Variants in ABL1 observed in about 807,000 individuals in gnomAD.
ABL1 encodes tyrosine-protein kinase ABL1.
In ABL1, 11 loss-of-function variants were observed where a neutral mutation model predicts 94.7. The ratio of observed to expected loss-of-function variants is 0.12; its 90% CI spans 0.07 to 0.19. The LOEUF (loss-of-function observed/expected upper bound fraction) is 0.19, where lower values mean the gene tolerates loss of function less well. Among genes scored for constraint, ABL1 ranks in the 10% least tolerant of loss-of-function variants. The pLI, the probability that ABL1 is intolerant of heterozygous loss-of-function variation, is 1.00. For missense variants in ABL1, 1,082 were observed against 1,489.4 expected (o/e 0.73, Z 4.50); for synonymous variants, 656 against 622.4 (o/e 1.05, Z -0.80).
chr9:130,839,169 C>T (rs552280250), intron 1 of ABL1, among the ~76,000 whole-genome samples: 2 of 152,044 alleles, frequency 1.3e-5, no homozygotes, highest in Admixed American at 6.6e-5. Context: ...TCAAGTGATC[C>T]TCCCACCTTG....
intron 1 of ABL1, among the ~76,000 whole-genome samples, chr9:130,839,046 G>A (rs1202250601): frequency 1.3e-5 from 2 of 151,910 alleles, no homozygotes; most frequent in Non-Finnish European, 2.9e-5. Flanking sequence ...AGTAGCTGGG[G>A]CTGCAGGCAT....
chr9:130,725,278 T>C (rs1831566565), intron 1 of ABL1, among the ~76,000 whole-genome samples: 1 of 152,162 alleles, frequency 6.6e-6, no homozygotes, highest in South Asian at 2.1e-4. Context: ...ACTTTTATGC[T>C]TTTTCTCTCT....
At position 130,884,159 on chromosome 9, in the gene ABL1, G is replaced by C. The variant is rs34717358; in HGVS notation, c.1869G>C (p.Glu623Asp). The C allele has an allele frequency of 6.2e-7, 1 of 1,613,010 alleles. No homozygotes were observed. Residue 623 changes from glutamate (E) to aspartate (D), a missense_variant, in exon 11 of 11, where the codon GAG (glutamate) becomes GAC (aspartate). Physicochemically the swap from Glu to Asp is conservative, Grantham distance 45 (BLOSUM62 2). Coordinates refer to ENST00000318560, the MANE Select transcript of ABL1 (RefSeq NM_005157.6). This position sits in a 1 kb window ranked among gnomAD's most constrained non-coding sequence, Gnocchi z 5.6. ...TPPKRSSSFR[E>D]MDGQPERRGA... is the part of the protein sequence containing the mutation. ...CCAAACGCAGCAGCTCCTTCCGGGA[G>C]ATGGACGGCCAGCCGGAGCGCAGAG... is the stretch of plus-strand genomic sequence containing the variant.
intron 1 of ABL1, among the ~76,000 whole-genome samples, chr9:130,795,712 T>C (rs972472153): frequency 6.6e-6 from 1 of 152,218 alleles, no homozygotes; most frequent in Non-Finnish European, 1.5e-5. Flanking sequence ...GCTGGACTAA[T>C]TAAATAATCA....
At chr9:130,753,422 C>CTTTTTTTTTTTTTTTTTTTTTTT (rs71389347) in intron 1 of ABL1, among the ~76,000 whole-genome samples, 1 of 90,344 alleles carries the variant, frequency 1.1e-5, no homozygotes, top group Non-Finnish European at 2.0e-5. Context: ...TTTTTCTTTT[C>CTTTTTTTTTTTTTTTTTTTTTTT]TTTTTTTTTT....
intron 1 of ABL1, among the ~76,000 whole-genome samples, chr9:130,782,198 A>G (rs1004625873): frequency 6.6e-6 from 1 of 151,938 alleles, no homozygotes; most frequent in Non-Finnish European, 1.5e-5. Flanking sequence ...AGCTGGGACT[A>G]CAGGCATGCG....
rs1348431384 is a variant in ABL1 at position 130,874,934 on chromosome 9, G to A, written c.1152G>A (p.Leu384=). 1.2e-6 allele frequency: 2 copies of A among 1,614,054 alleles called. No homozygotes were observed. Among genetic ancestry groups the A allele is most frequent in the African/African-American group, 2.7e-5 (2 of 74,914 alleles). The change falls in exon 7 of 11, where the codon CTG becomes CTA. Residue 384 remains leucine (L), a synonymous_variant. Coordinates refer to ENST00000318560, the MANE Select transcript of ABL1 (RefSeq NM_005157.6). The part of the protein sequence containing the change: ...NHLVKVADFG[L]SRLMTGDTYT... The stretch of plus-strand genomic sequence containing the variant: ...TGGTGAAGGTAGCTGATTTTGGCCT[G>A]AGCAGGTTGATGACAGGGGACACCT...
In ABL1 at chr9:130,862,466, C is replaced by T. The variant is rs1000066420; in HGVS notation, c.550-297C>T. Among the ~76,000 whole-genome samples the T allele has an allele frequency of 6.6e-6, 1 of 152,128 alleles. No homozygotes were observed. Among genetic ancestry groups the T allele is most frequent in the African/African-American group, 2.4e-5 (1 of 41,420 alleles). The stretch of plus-strand genomic sequence containing the variant: ...ACGGACCTTAAAACTGGCCTTGGAA[C>T]GGGAAGCGAGAACTGGGCACGGAAG... On this transcript the variant is annotated intron_variant, in intron 3 of 10. Transcript: ENST00000318560. The surrounding 1 kb of genome is among the most constrained non-coding windows in gnomAD (Gnocchi z 5.5).
At chr9:130,853,170 CTTTTTTTTTTTT>C (rs11418318) in intron 1 of ABL1, among the ~76,000 whole-genome samples, 1 of 75,338 alleles carries the variant, frequency 1.3e-5, no homozygotes, top group African/African-American at 5.4e-5. Context: ...TTTGACTTTT[CTTTTTTTTTTTT>C]TTTTTTTTTT....
chr9:130,859,542 G>A (rs1249062574), intron 3 of ABL1, among the ~76,000 whole-genome samples: 2 of 151,890 alleles, frequency 1.3e-5, no homozygotes, highest in Admixed American at 6.6e-5. Context: ...CTTGCTTCCT[G>A]GCTGAGCAAC....
At chr9:130,753,236 G>A (rs1000506475) in intron 1 of ABL1, among the ~76,000 whole-genome samples, 5 of 151,686 alleles carry the variant, frequency 3.3e-5, no homozygotes, top group African/African-American at 4.8e-5. Flanking sequence ...CAGCCTGGGC[G>A]ACAGAGCGGA....
chr9:130,781,421 T>C (rs1307431663), intron 1 of ABL1, among the ~76,000 whole-genome samples: 1 of 152,194 alleles, frequency 6.6e-6, no homozygotes, highest in Admixed American at 6.5e-5. Flanking sequence ...TCCCGCAATG[T>C]CACAATAGTT....
chr9:130,734,712 G>C (rs2132700948), intron 1 of ABL1, among the ~76,000 whole-genome samples: 1 of 151,902 alleles, frequency 6.6e-6, no homozygotes, highest in East Asian at 1.9e-4. Flanking sequence ...AGTAGAGACA[G>C]AGTTTAGCCA....
At chr9:130,882,024 C>A (rs1170091281) in intron 10 of ABL1, among the ~76,000 whole-genome samples, 4 of 152,168 alleles carry the variant, frequency 2.6e-5, no homozygotes, top group African/African-American at 9.7e-5. Context: ...TCCAAATTTG[C>A]AATACTTCCC....
intron 7 of ABL1, among the ~76,000 whole-genome samples, chr9:130,877,756 T>C (rs1343249510): frequency 6.8e-6 from 1 of 146,420 alleles, no homozygotes; most frequent in East Asian, 1.9e-4. Flanking sequence ...TTCTCCTGCC[T>C]CAGCCTCCAA....
At chr9:130,855,795 C>A (rs2132959850) in intron 3 of ABL1, among the ~76,000 whole-genome samples, 1 of 152,308 alleles carries the variant, frequency 6.6e-6, no homozygotes, top group East Asian at 1.9e-4. Context: ...ATAAAGAGAT[C>A]TTGCCCGATG....
chr9:130,749,776 T>G (rs757101466), intron 1 of ABL1, among the ~76,000 whole-genome samples: 2 of 152,156 alleles, frequency 1.3e-5, no homozygotes, highest in Non-Finnish European at 2.9e-5. Flanking sequence ...TAGGAATGTA[T>G]GGGGTTATTA....
chr9:130,885,421 C>T lies in ABL1; in HGVS notation c.3131C>T (p.Ser1044Phe). Reference sequence around the variant, plus strand: ...ACCGAGGCGCTGTGCCTCGCCATCTCTAGGAACTCCGAGCAGATGGCCAGC... The same window carrying T: ...ACCGAGGCGCTGTGCCTCGCCATCTTTAGGAACTCCGAGCAGATGGCCAGC... ...DSTEALCLAISRNSEQMASHS... is the reference protein window; with the variant it reads ...DSTEALCLAIFRNSEQMASHS... Residue 1044 changes from serine (S) to phenylalanine (F), a missense_variant, in exon 11 of 11, where the codon TCT (serine) becomes TTT (phenylalanine). Transcript: ENST00000318560. 1 of 1,613,724 alleles carries T rather than the reference C, an allele frequency of 6.2e-7. No homozygotes were observed. The highest frequency in any genetic ancestry group is 8.5e-7 in the Non-Finnish European group (1 of 1,180,044).
intron 1 of ABL1, among the ~76,000 whole-genome samples, chr9:130,846,652 G>T (rs548254288): frequency 6.6e-6 from 1 of 152,316 alleles, no homozygotes; most frequent in South Asian, 2.1e-4. Flanking sequence ...GTGCCAGCAG[G>T]AAGGTGGGAA....
Sources: allele counts gnomAD v4.1 joint callset (sites outside exome capture counted in the v4.1 genomes callset), GRCh38; gene constraint gnomAD v4.1.1; non-coding constraint Gnocchi (gnomAD v3.1); transcripts MANE v1.5; gene names NCBI Gene and HGNC (gene_info 2026-07-23, HGNC 2026-07-21).